Variants in DOCK4 observed in about 807,000 individuals in gnomAD.
DOCK4 encodes the protein dedicator of cytokinesis 4, also known as dedicator of cytokinesis protein 4.
A neutral mutation model predicts 268.1 loss-of-function variants in DOCK4; 97 were observed. The ratio of observed to expected loss-of-function variants is 0.36; its 90% CI spans 0.31 to 0.43. The LOEUF (loss-of-function observed/expected upper bound fraction) is 0.43, where lower values mean the gene tolerates loss of function less well. DOCK4 is among the 20% of genes least tolerant of loss of function. DOCK4 has a pLI of 1.00. For synonymous variants in DOCK4, 954 were observed against 887.2 expected, an observed-to-expected ratio of 1.08 and a Z score of -1.34; for missense variants, 2,145 against 2,455.7, an observed-to-expected ratio of 0.87 and a Z score of 2.67.
At position 112,004,654 on chromosome 7, in the gene DOCK4, G is replaced by A. The variant is rs117997601; in HGVS notation, c.38-523C>T. 8.2e-3 allele frequency among the ~76,000 whole-genome samples: 1,247 copies of A among 152,188 alleles called. 17 individuals are homozygous for A. Among genetic ancestry groups the A allele is most frequent in the Middle Eastern group, 0.014 (4 of 294 alleles). On this transcript the variant is annotated intron_variant, in intron 1 of 52. Coordinates refer to ENST00000428084, the MANE Select transcript of DOCK4 (RefSeq NM_001363540.2). ...ACTGCATCCATTTGCTTACCATTAC[G>A]TGCCCAGAGCCTAGCATAGTATGTG...
chr7:111,976,269 T>TTTTATATATA (rs1554400806), intron 8 of DOCK4, among the ~76,000 whole-genome samples: 1 of 33,138 alleles, frequency 3.0e-5, no homozygotes, highest in Non-Finnish European at 5.3e-5. Flanking sequence ...TGTGTGTCTA[T>TTTTATATATA]TATATATATA....
intron 1 of DOCK4, among the ~76,000 whole-genome samples, chr7:112,184,252 A>T (rs2116724549): frequency 6.6e-6 from 1 of 152,298 alleles, no homozygotes; most frequent in East Asian, 1.9e-4. Context: ...CAAAGGAGGA[A>T]CTCATACATC....
At chr7:112,153,851 T>C (rs1368143036) in intron 1 of DOCK4, among the ~76,000 whole-genome samples, 1 of 152,180 alleles carries the variant, frequency 6.6e-6, no homozygotes, top group Admixed American at 6.5e-5. Flanking sequence ...TACCAGGTAC[T>C]TCGGAGGATA....
chr7:111,750,913 C>G (rs1410427775), intron 42 of DOCK4, among the ~76,000 whole-genome samples: 1 of 152,296 alleles, frequency 6.6e-6, no homozygotes, highest in African/African-American at 2.4e-5. Context: ...AACAAAAACC[C>G]CTCCAGTCGC....
At chr7:112,141,212 T>C (rs1814896478) in intron 1 of DOCK4, among the ~76,000 whole-genome samples, 3 of 152,038 alleles carry the variant, frequency 2.0e-5, no homozygotes, top group African/African-American at 7.2e-5. Flanking sequence ...CTCTGAAAAA[T>C]CCTCAATCCC....
At chr7:112,066,531 CAT>C (rs1221188162) in intron 1 of DOCK4, among the ~76,000 whole-genome samples, 1 of 120,266 alleles carries the variant, frequency 8.3e-6, no homozygotes, top group Non-Finnish European at 1.6e-5. Context: ...TACACACACA[CAT>C]ATATATACAT....
intron 8 of DOCK4, among the ~76,000 whole-genome samples, chr7:111,958,214 C>G (rs371313491): frequency 2.0e-5 from 3 of 152,106 alleles, no homozygotes; most frequent in African/African-American, 7.2e-5. Flanking sequence ...CTGTGTCAGG[C>G]GCACTACAAG....
At chr7:111,755,332 T>A (rs1796949507) in intron 42 of DOCK4, among the ~76,000 whole-genome samples, 183 bp downstream of exon 42, 1 of 152,112 alleles carries the variant, frequency 6.6e-6, no homozygotes, top group East Asian at 1.9e-4. Flanking sequence ...CTGGACACAT[T>A]AGGATAATAT....
intron 27 of DOCK4, among the ~76,000 whole-genome samples, chr7:111,816,096 A>G (rs1480108865): frequency 6.6e-6 from 1 of 152,080 alleles, no homozygotes; most frequent in East Asian, 1.9e-4. Flanking sequence ...TTGCCACCTC[A>G]TTTTGGGCTT....
chr7:111,890,899 C>T (rs912081044), intron 16 of DOCK4, among the ~76,000 whole-genome samples: 3 of 152,202 alleles, frequency 2.0e-5, no homozygotes, highest in African/African-American at 7.2e-5. Context: ...CAGAGCTATT[C>T]TCTGTATCAT....
intron 1 of DOCK4, among the ~76,000 whole-genome samples, chr7:112,070,694 T>C (rs1807506441): frequency 6.6e-6 from 1 of 152,020 alleles, no homozygotes; most frequent in South Asian, 2.1e-4. Flanking sequence ...AAAAAAAAAC[T>C]ATAAAATTAA....
chr7:112,135,213 A>G (rs957929709), intron 1 of DOCK4, among the ~76,000 whole-genome samples: 2 of 152,168 alleles, frequency 1.3e-5, no homozygotes, highest in African/African-American at 4.8e-5. Context: ...AGTAAATATG[A>G]TTAAGGCTTA....
intron 1 of DOCK4, among the ~76,000 whole-genome samples, chr7:112,063,882 T>C (rs1806680118): frequency 6.6e-6 from 1 of 152,240 alleles, no homozygotes; most frequent in Non-Finnish European, 1.5e-5. Context: ...ATCTGTCATA[T>C]GACATTTTTG....
chr7:111,795,120 T>G (rs1176843301), intron 30 of DOCK4, among the ~76,000 whole-genome samples: 1 of 151,640 alleles, frequency 6.6e-6, no homozygotes, highest in Non-Finnish European at 1.5e-5. Context: ...GGTTGGGGAG[T>G]CCTCACTCTA....
chr7:111,908,461 AAAT>A (rs3055494), intron 13 of DOCK4, among the ~76,000 whole-genome samples: 1 of 150,146 alleles, frequency 6.7e-6, no homozygotes, highest in African/African-American at 2.5e-5. Context: ...AAAATAAATA[AAAT>A]AATAATAATA....
chr7:111,823,095 C>A (rs1586093462), intron 26 of DOCK4, among the ~76,000 whole-genome samples: 1 of 151,834 alleles, frequency 6.6e-6, no homozygotes, highest in East Asian at 1.9e-4. Flanking sequence ...ATATATTCCT[C>A]ACAAAGATGC....
chr7:112,194,008 G>A (rs1332899669), intron 1 of DOCK4, among the ~76,000 whole-genome samples: 4 of 151,948 alleles, frequency 2.6e-5, no homozygotes, highest in African/African-American at 9.7e-5. Context: ...TGTCAGATCA[G>A]GGCCCCACCC....
Position 111,783,838 on chromosome 7 carries a change from AACATGCG to A in DOCK4, c.3524+12_3524+18del, listed in dbSNP as rs755904179. The A allele has an allele frequency of 1.9e-6, 3 of 1,581,790 alleles. No homozygotes were observed. The highest frequency in any genetic ancestry group is 2.7e-5 in the African/African-American group (2 of 74,282). ...TTCAGCATGAACTGGAGTTCAGAAA[AACATGCG>A]ACTTGGCTTACCTGTAATCTAACAA... On this transcript the variant is annotated intron_variant, in intron 34 of 52. Coordinates refer to ENST00000428084, the MANE Select transcript of DOCK4 (RefSeq NM_001363540.2).
intron 37 of DOCK4, among the ~76,000 whole-genome samples, chr7:111,767,956 TGAG>T (rs969941019): frequency 2.0e-4 from 30 of 152,252 alleles, no homozygotes; most frequent in African/African-American, 7.0e-4. Flanking sequence ...CTTTAGTCTT[TGAG>T]GACCATTTAG....
Sources: allele counts gnomAD v4.1 joint callset (sites outside exome capture counted in the v4.1 genomes callset), GRCh38; gene constraint gnomAD v4.1.1; transcripts MANE v1.5; gene names NCBI Gene and HGNC (gene_info 2026-07-23, HGNC 2026-07-21).